AVEN: variants seen among roughly 807,000 people sequenced by gnomAD.
AVEN encodes cell death regulator Aven.
In AVEN, 41 loss-of-function variants were observed where a neutral mutation model predicts 38.1. That is an observed-to-expected ratio of 1.08 (90% CI 0.84 to 1.40). The LOEUF (loss-of-function observed/expected upper bound fraction) is 1.40. AVEN is among the 40% of genes most tolerant of loss of function. The probability of loss-of-function intolerance (pLI) is 0.00; values close to 1 mark genes in which losing one functional copy is unlikely to be tolerated. For synonymous variants in AVEN, 206 were observed against 171.8 expected, an observed-to-expected ratio of 1.20 and a Z score of -1.56; for missense variants, 605 against 438.8, an observed-to-expected ratio of 1.38 and a Z score of -3.38.
At chr15:34,030,899 T>G (rs1188980034) in intron 1 of AVEN, among the ~76,000 whole-genome samples, 1 of 152,120 alleles carries the variant, frequency 6.6e-6, no homozygotes, top group Non-Finnish European at 1.5e-5. Context: ...ATTACAGGTA[T>G]GAGCCACTAC....
downstream of AVEN, chr15:33,857,660 CCCCATTTCCTCTCCTTG>C (rs913094298): frequency 1.6e-5 from 20 of 1,260,804 alleles, no homozygotes; most frequent in Non-Finnish European, 2.1e-5. Flanking sequence ...TCCACCCCTT[CCCCATTTCCTCTCCTTG>C]CCCGTCCTCA....
chr15:34,041,201 C>T (rs577036706), upstream of AVEN, among the ~76,000 whole-genome samples: 16 of 152,286 alleles, frequency 1.1e-4, no homozygotes, highest in Non-Finnish European at 1.9e-4. Flanking sequence ...GAACCCCTCT[C>T]CCCCTCATTA....
At chr15:33,878,952 G>T (rs188677440) in intron 2 of AVEN, among the ~76,000 whole-genome samples, 4 of 152,086 alleles carry the variant, frequency 2.6e-5, no homozygotes, top group East Asian at 3.9e-4. Context: ...TATTAGAAAT[G>T]ATCATATGAT....
downstream of AVEN, among the ~76,000 whole-genome samples, chr15:33,864,462 A>C (rs775276760): frequency 1.4e-4 from 22 of 152,196 alleles, no homozygotes; most frequent in Non-Finnish European, 3.1e-4. Context: ...GAAATAAGAA[A>C]TTGTCTGACA....
intron 2 of AVEN, among the ~76,000 whole-genome samples, chr15:33,962,268 C>T (rs971210114): frequency 6.6e-6 from 1 of 152,174 alleles, no homozygotes; most frequent in Non-Finnish European, 1.5e-5. Context: ...CCTTCACATG[C>T]CTCAAGTATT....
At chr15:33,976,205 T>A (rs1003672412) in intron 2 of AVEN, among the ~76,000 whole-genome samples, 4 of 152,192 alleles carry the variant, frequency 2.6e-5, no homozygotes, top group African/African-American at 9.6e-5. Context: ...CATGTTTCAA[T>A]TATTATGACA....
rs554919544 is a variant in AVEN at position 33,908,361 on chromosome 15, A to G, written c.446-32366T>C. 1.8e-4 allele frequency among the ~76,000 whole-genome samples: 14 copies of G among 77,288 alleles called. 3 individuals carry two copies. The Admixed American group carries it at 2.0e-3, about 11-fold the overall frequency. The allele number at this position is 77,288 out of a possible 152,430, so 50.7% of individuals were successfully genotyped here. ...TTATGACAGTTTTCTTCCTTACTAC[A>G]AGCATTATTGTTACCTGGAATAAAA... On this transcript the variant is annotated intron_variant, in intron 2 of 5. Transcript: ENST00000306730.
At chr15:33,861,110 C>A in intron 11 of AVEN, 1 of 1,596,614 alleles carries the variant, frequency 6.3e-7, no homozygotes, top group Admixed American at 1.7e-5. Context: ...TTGGCAATGA[C>A]TACTTTGACA....
intron 2 of AVEN, among the ~76,000 whole-genome samples, chr15:34,001,904 A>C (rs1897151502): frequency 6.6e-6 from 1 of 152,254 alleles, no homozygotes; most frequent in Non-Finnish European, 1.5e-5. Context: ...GGAAGAAAAA[A>C]TTCAAAGCAG....
At chr15:33,992,375 T>C (rs1170671999) in intron 2 of AVEN, among the ~76,000 whole-genome samples, 2 of 149,894 alleles carry the variant, frequency 1.3e-5, no homozygotes, top group Non-Finnish European at 2.9e-5. Flanking sequence ...GCGCGACAGA[T>C]CAGGACTCCG....
At position 34,063,314 on chromosome 15, in the gene AVEN, TG is replaced by T; in HGVS notation, n.1244del. Reference sequence around the variant, plus strand: ...CCACCATCACTTTTGGCACTGCCATTGCTGCCTTCTACATCCCTGTTTCTGT... The same window carrying T: ...CCACCATCACTTTTGGCACTGCCATTCTGCCTTCTACATCCCTGTTTCTGT... On this transcript the variant is annotated non_coding_transcript_exon_variant, in exon 5 of 12. Coordinates refer to the AVEN transcript ENST00000675287. The surrounding 1 kb of genome is among the most constrained non-coding windows in gnomAD (Gnocchi z 4.1). 1 of 1,614,194 alleles carries T rather than the reference TG, an allele frequency of 6.2e-7. No individual in the cohort carries two copies. Among genetic ancestry groups the T allele is most frequent in the Non-Finnish European group, 8.5e-7 (1 of 1,180,038 alleles).
At chr15:33,958,718 T>C (rs1387564144) in intron 2 of AVEN, among the ~76,000 whole-genome samples, 1 of 152,216 alleles carries the variant, frequency 6.6e-6, no homozygotes, top group Non-Finnish European at 1.5e-5. Context: ...CCTCTATTTA[T>C]ACTCTTTCTA....
At chr15:33,983,160 A>ATG (rs1491327104) in intron 2 of AVEN, among the ~76,000 whole-genome samples, 5 of 64,536 alleles carry the variant, frequency 7.7e-5, no homozygotes, top group Non-Finnish European at 1.1e-4. Flanking sequence ...GTGTGTGTGT[A>ATG]TGTGTGTGTG....
At chr15:33,994,482 G>T (rs541295673) in intron 2 of AVEN, among the ~76,000 whole-genome samples, 1 of 152,092 alleles carries the variant, frequency 6.6e-6, no homozygotes, top group Admixed American at 6.5e-5. Context: ...AATGTAACAC[G>T]CTTGAATCAT....
intron 5 of AVEN, among the ~76,000 whole-genome samples, chr15:34,060,382 C>T (rs1900294839): frequency 6.6e-6 from 1 of 152,068 alleles, no homozygotes; most frequent in African/African-American, 2.4e-5. Flanking sequence ...AACTCGATTC[C>T]ATATTGAATT....
chr15:33,854,924 A>G (rs780051650), downstream of AVEN: 3 of 1,605,632 alleles, frequency 1.9e-6, no homozygotes, highest in Non-Finnish European at 2.6e-6. Context: ...TATGGTTTCT[A>G]CTGATGCAGA....
chr15:33,907,252 G>C (rs533029726), intron 2 of AVEN, among the ~76,000 whole-genome samples: 1 of 152,110 alleles, frequency 6.6e-6, no homozygotes, highest in Admixed American at 6.6e-5. Flanking sequence ...TTACAGCCGA[G>C]ACCTCAAATG....
chr15:33,968,099 TAAAAAA>T lies in AVEN; in HGVS notation c.445+34927_445+34932del, dbSNP rs71119906. Reference sequence around the variant, plus strand: ...TCTGTGAATAATGCCTAGCAAAGCTTAAAAAAAAAAAAAAAAAAAAAAAAAAGCTTC... The same window carrying T: ...TCTGTGAATAATGCCTAGCAAAGCTTAAAAAAAAAAAAAAAAAAAAGCTTC... On this transcript the variant is annotated intron_variant, in intron 2 of 5. Transcript: ENST00000306730. 1.3e-3 allele frequency among the ~76,000 whole-genome samples: 33 copies of T among 25,852 alleles called. No individual in the cohort carries two copies. In the South Asian group the frequency reaches 0.023, roughly 18 times the overall value. 17.0% of individuals were successfully genotyped at this position (25,852 alleles called of 152,430 possible).
chr15:33,873,550 TATATA>T (rs745547893), intron 3 of AVEN, among the ~76,000 whole-genome samples: 37 of 148,152 alleles, frequency 2.5e-4, no homozygotes, highest in Admixed American at 4.7e-4. Context: ...ATGCACTCAA[TATATA>T]ATATACGTAT....
Sources: gnomAD v4.1 joint callset for allele counts (sites outside exome capture counted in the v4.1 genomes callset) on GRCh38, gnomAD v4.1.1 for gene constraint, Gnocchi (gnomAD v3.1) non-coding constraint, MANE v1.5 for transcripts, NCBI Gene and HGNC (gene_info 2026-07-23, HGNC 2026-07-21) for gene names.